STXBP5L: variants seen among roughly 807,000 people sequenced by gnomAD.
STXBP5L encodes syntaxin binding protein 5L, also known as syntaxin-binding protein 5-like.
In STXBP5L, 65 loss-of-function variants were observed where a neutral mutation model predicts 144.5. That is an observed-to-expected ratio of 0.45 (90% CI 0.37 to 0.55). The LOEUF (loss-of-function observed/expected upper bound fraction) is 0.55, where lower values mean the gene tolerates loss of function less well. Ranked by LOEUF, STXBP5L falls within the 20% of genes least tolerant of loss-of-function variation. The pLI, the probability that STXBP5L is intolerant of heterozygous loss-of-function variation, is 0.00. For missense variants in STXBP5L, 1,298 were observed against 1,405.5 expected (o/e 0.92, Z 1.22); for synonymous variants, 505 against 469.6 (o/e 1.08, Z -0.97).
At chr3:121,294,545 G>A (rs2051570953) in intron 19 of STXBP5L, among the ~76,000 whole-genome samples, 1 of 152,044 alleles carries the variant, frequency 6.6e-6, no homozygotes, top group Non-Finnish European at 1.5e-5. Flanking sequence ...TAGCATATAG[G>A]TGGTATATAA....
chr3:121,047,971 G>A (rs1947640813), intron 5 of STXBP5L, among the ~76,000 whole-genome samples: 1 of 152,018 alleles, frequency 6.6e-6, no homozygotes, highest in Non-Finnish European at 1.5e-5. Flanking sequence ...GTGTCTTTTT[G>A]TAGTAGCTTA....
chr3:121,200,748 A>G (rs937367514), intron 9 of STXBP5L, among the ~76,000 whole-genome samples: 1 of 152,156 alleles, frequency 6.6e-6, no homozygotes, highest in Non-Finnish European at 1.5e-5. Flanking sequence ...TTTACCCAGT[A>G]GTCATTCAGG....
chr3:121,352,735 A>T (rs1262902907), intron 20 of STXBP5L, among the ~76,000 whole-genome samples: 1 of 151,972 alleles, frequency 6.6e-6, no homozygotes, highest in Non-Finnish European at 1.5e-5. Flanking sequence ...AGGAGTGGTG[A>T]GAGAGGGTAT....
At chr3:121,328,116 C>A (rs1320459803) in intron 20 of STXBP5L, among the ~76,000 whole-genome samples, 1 of 152,150 alleles carries the variant, frequency 6.6e-6, no homozygotes. Context: ...ATCAAGTGTG[C>A]TGTTTAATGC....
intron 22 of STXBP5L, among the ~76,000 whole-genome samples, chr3:121,406,274 T>G (rs941825975): frequency 5.9e-5 from 9 of 152,118 alleles, no homozygotes; most frequent in Non-Finnish European, 1.5e-5. Flanking sequence ...TATACTCTTT[T>G]CAATTTGATA....
At chr3:121,412,742 AAAAAAAAC>A (rs2047144377) in intron 23 of STXBP5L, among the ~76,000 whole-genome samples, 1 of 148,578 alleles carries the variant, frequency 6.7e-6, no homozygotes, top group African/African-American at 2.5e-5. Context: ...AAAAAAAAAA[AAAAAAAAC>A]AAAAGAAAAA....
intron 3 of STXBP5L, among the ~76,000 whole-genome samples, chr3:120,990,893 G>T (rs1231784702): frequency 2.0e-5 from 3 of 152,092 alleles, no homozygotes; most frequent in Non-Finnish European, 4.4e-5. Flanking sequence ...GAAAACCTAG[G>T]CAATACCATT....
chr3:120,915,033 A>C (rs1204561873), intron 2 of STXBP5L, among the ~76,000 whole-genome samples: 1 of 152,140 alleles, frequency 6.6e-6, no homozygotes, highest in South Asian at 2.1e-4. Context: ...CTAGAGGGCA[A>C]TCACATTTTC....
intron 2 of STXBP5L, among the ~76,000 whole-genome samples, chr3:120,940,577 G>T (rs781493232): frequency 6.6e-5 from 10 of 150,646 alleles, no homozygotes; most frequent in Non-Finnish European, 1.3e-4. Flanking sequence ...AGAGTAGAGA[G>T]AAAATATATA....
chr3:121,181,717 G>A (rs1025876649), intron 9 of STXBP5L, among the ~76,000 whole-genome samples: 1 of 152,028 alleles, frequency 6.6e-6, no homozygotes, highest in Admixed American at 6.6e-5. Flanking sequence ...CAGCCTGGGC[G>A]ATAGAATGAG....
rs867821641 is a variant in STXBP5L, at chr3:121,121,643, C to T, written c.608C>T (p.Ser203Phe). 1.9e-6 allele frequency: 3 copies of T among 1,593,674 alleles called. No homozygotes were observed. The highest frequency in any genetic ancestry group is 2.6e-6 in the Non-Finnish European group (3 of 1,165,902). ...VIMWNKAIEL[S>F]TKTHPGPVVH... ...ACTGTTTTGAATTGATTTAACAGAT[C>T]CACTAAGACTCATCCAGGTCCAGTT... Residue 203 changes from serine to phenylalanine, a missense_variant and splice_region_variant, in exon 7 of 27, where the codon TCC becomes TTC. Physicochemically the swap from Ser to Phe is radical, Grantham distance 155. Coordinates refer to ENST00000471454, the MANE Select transcript of STXBP5L (RefSeq NM_001308330.2).
intron 14 of STXBP5L, among the ~76,000 whole-genome samples, chr3:121,243,619 C>A (rs2049744739): frequency 6.6e-6 from 1 of 151,100 alleles, no homozygotes; most frequent in South Asian, 2.1e-4. Context: ...GCAGCACTTG[C>A]AGCTATAACA....
intron 7 of STXBP5L, among the ~76,000 whole-genome samples, chr3:121,132,935 C>G (rs2045062766): frequency 6.6e-6 from 1 of 151,966 alleles, no homozygotes; most frequent in South Asian, 2.1e-4. Flanking sequence ...ATAATTCAGA[C>G]AGAAAAGCAA....
intron 4 of STXBP5L, among the ~76,000 whole-genome samples, chr3:121,044,779 C>T (rs907396722): frequency 1.3e-5 from 2 of 152,148 alleles, no homozygotes; most frequent in South Asian, 2.1e-4. Flanking sequence ...TAGAAAATAT[C>T]CTATTGTATG....
chr3:121,042,096 C>G (rs759163474), intron 4 of STXBP5L, among the ~76,000 whole-genome samples: 1 of 152,036 alleles, frequency 6.6e-6, no homozygotes, highest in Admixed American at 6.6e-5. Flanking sequence ...TCTATACACT[C>G]ACTTCCCACC....
intron 7 of STXBP5L, among the ~76,000 whole-genome samples, chr3:121,139,883 C>A (rs2107934320): frequency 6.6e-6 from 1 of 151,980 alleles, no homozygotes; most frequent in South Asian, 2.1e-4. Context: ...AAAAAAAGAC[C>A]ACCTACAGAA....
At chr3:121,335,550 A>G (rs1240165472) in intron 20 of STXBP5L, among the ~76,000 whole-genome samples, 2 of 152,204 alleles carry the variant, frequency 1.3e-5, no homozygotes, top group African/African-American at 2.4e-5. Context: ...ACTTCAAACT[A>G]TACTACAGGG....
At chr3:121,064,766 G>T (rs975567436) in intron 5 of STXBP5L, among the ~76,000 whole-genome samples, 6 of 152,172 alleles carry the variant, frequency 3.9e-5, no homozygotes, top group African/African-American at 1.4e-4. Context: ...CAGAGAGGAT[G>T]CATGGGCATG....
intron 22 of STXBP5L, among the ~76,000 whole-genome samples, chr3:121,397,738 C>A (rs1471585983): frequency 6.6e-6 from 1 of 152,210 alleles, no homozygotes; most frequent in African/African-American, 2.4e-5. Context: ...TGTAATAAAT[C>A]TCTTCCCCAT....
Sources: gnomAD v4.1 joint callset for allele counts (sites outside exome capture counted in the v4.1 genomes callset) on GRCh38, gnomAD v4.1.1 for gene constraint, MANE v1.5 for transcripts, NCBI Gene and HGNC (gene_info 2026-07-23, HGNC 2026-07-21) for gene names.